The following HERC1 variants were observed in gnomAD, a reference collection of about 807,000 sequenced individuals.
HERC1 encodes HECT and RLD domain containing E3 ubiquitin protein ligase family member 1, also known as probable E3 ubiquitin-protein ligase HERC1.
In HERC1, 160 loss-of-function variants were observed where a neutral mutation model predicts 554.3. The observed-to-expected ratio is 0.29, with a 90% CI of 0.25 to 0.33. The LOEUF (loss-of-function observed/expected upper bound fraction) is 0.33, where lower values mean the gene tolerates loss of function less well. Ranked by LOEUF, HERC1 falls within the 10% of genes least tolerant of loss-of-function variation. The probability of loss-of-function intolerance (pLI) is 1.00; values close to 1 mark genes in which losing one functional copy is unlikely to be tolerated. For synonymous variants in HERC1, 2,175 were observed against 2,131.7 expected (o/e 1.02, Z -0.56); for missense variants, 4,919 against 5,918.5 (o/e 0.83, Z 5.54).
rs550082542 is a variant in HERC1, at chr15:63,725,381, G to A, written c.3479C>T (p.Ser1160Phe). The A allele has an allele frequency of 6.2e-7, 1 of 1,613,870 alleles. No individual in the cohort carries two copies. Among genetic ancestry groups the A allele is most frequent in the South Asian group, 1.1e-5 (1 of 91,060 alleles). ...GRCLGGMLQG[S>F]PVSPEEQDTA... Reference sequence around the variant, plus strand: ...GTCCTGTTCCTCTGGAGACACAGGGGAGCCCTGAAGCATGCCACCAAGACA... The same window carrying A: ...GTCCTGTTCCTCTGGAGACACAGGGAAGCCCTGAAGCATGCCACCAAGACA... Residue 1160 changes from serine (S) to phenylalanine (F), a missense_variant, in exon 18 of 78, where the codon TCC (serine) becomes TTC (phenylalanine). Physicochemically the swap from Ser to Phe is radical, Grantham distance 155. This residue lies in a region of HERC1 where 1,121 missense variants were observed against 1,244.0 expected (regional missense o/e 0.90). Transcript: ENST00000443617.
chr15:63,799,069 T>C (rs1269052680), intron 1 of HERC1, among the ~76,000 whole-genome samples: 3 of 152,208 alleles, frequency 2.0e-5, no homozygotes, highest in Non-Finnish European at 4.4e-5. Flanking sequence ...GCACATTTAA[T>C]TTTCAGACAA....
At chr15:63,813,381 A>G (rs1329996365) in intron 1 of HERC1, among the ~76,000 whole-genome samples, 2 of 151,942 alleles carry the variant, frequency 1.3e-5, no homozygotes, top group Non-Finnish European at 2.9e-5. Flanking sequence ...AAAAGAGCCC[A>G]TACATAGATT....
chr15:63,615,360 A>G (rs1274983284), intron 76 of HERC1, among the ~76,000 whole-genome samples: 1 of 152,218 alleles, frequency 6.6e-6, no homozygotes, highest in Non-Finnish European at 1.5e-5. Flanking sequence ...TGTAATCCCA[A>G]CACTTTGGGA....
chr15:63,766,890 C>A (rs749350045), intron 2 of HERC1, among the ~76,000 whole-genome samples: 4 of 151,776 alleles, frequency 2.6e-5, no homozygotes, highest in Non-Finnish European at 5.9e-5. Context: ...TTGGTTCAGG[C>A]TGGTCTGAAA....
intron 33 of HERC1, among the ~76,000 whole-genome samples, chr15:63,687,940 G>A (rs1379243732): frequency 1.3e-5 from 2 of 152,192 alleles, no homozygotes; most frequent in Non-Finnish European, 2.9e-5. Flanking sequence ...AAGTTGCTTA[G>A]ACTATAGTGA....
At chr15:63,825,029 G>A (rs1236507499) in intron 1 of HERC1, among the ~76,000 whole-genome samples, 2 of 152,150 alleles carry the variant, frequency 1.3e-5, no homozygotes, top group Non-Finnish European at 2.9e-5. Context: ...TGAGGGCTGG[G>A]CACGGTGGCT....
chr15:63,709,594 G>A (rs537726949), intron 24 of HERC1, among the ~76,000 whole-genome samples: 23 of 152,222 alleles, frequency 1.5e-4, no homozygotes, highest in African/African-American at 5.1e-4. Context: ...CAAAGTCCAT[G>A]GTGAGTTTTA....
In HERC1 at chr15:63,755,609, T is replaced by C. The variant is rs551696339; in HGVS notation, c.1534-284A>G. Among the ~76,000 whole-genome samples the C allele has an allele frequency of 6.6e-5, 10 of 152,230 alleles. No homozygotes were observed. In the East Asian group the frequency reaches 1.7e-3, roughly 26 times the overall value. On this transcript the variant is annotated intron_variant, in intron 5 of 77. Transcript: ENST00000443617. Reference sequence around the variant, plus strand: ...GCCTGGGCAACATGGCAAAACCCTGTTTCTTTTAAAAAATATGAAAATTAG... The same window carrying C: ...GCCTGGGCAACATGGCAAAACCCTGCTTCTTTTAAAAAATATGAAAATTAG...
chr15:63,630,408 G>C, intron 69 of HERC1, 58 bp downstream of exon 69: 1 of 1,531,054 alleles, frequency 6.5e-7, no homozygotes, highest in South Asian at 1.2e-5. Context: ...TTCCCCAACT[G>C]AGGAACACTG....
intron 1 of HERC1, among the ~76,000 whole-genome samples, chr15:63,782,797 G>A (rs1484767087): frequency 6.6e-6 from 1 of 152,202 alleles, no homozygotes; most frequent in Admixed American, 6.5e-5. Flanking sequence ...AAAGGCCAAA[G>A]TATCAATATT....
At chr15:63,790,217 G>A (rs1380271164) in intron 1 of HERC1, among the ~76,000 whole-genome samples, 2 of 152,088 alleles carry the variant, frequency 1.3e-5, no homozygotes, top group Non-Finnish European at 2.9e-5. Context: ...CTGCTATTAT[G>A]ATCATTATCA....
In HERC1 at chr15:63,636,154, C is replaced by T. The variant is rs181815436; in HGVS notation, c.12233-12G>A. On this transcript the variant is annotated splice_polypyrimidine_tract_variant and intron_variant, in intron 64 of 77. Transcript: ENST00000443617. Reference sequence around the variant, plus strand: ...GGTCACCACAAAGCCTGGAACAGAACAGAAACCCAACAGGAGTCACTGGAT... The same window carrying T: ...GGTCACCACAAAGCCTGGAACAGAATAGAAACCCAACAGGAGTCACTGGAT... 1.4e-4 allele frequency: 224 copies of T among 1,610,860 alleles called. 1 individual carries two copies. In the Middle Eastern group the frequency reaches 1.9e-3, roughly 14 times the overall value.
At chr15:63,735,251 G>A (rs947668959) in intron 12 of HERC1, among the ~76,000 whole-genome samples, 1 of 152,058 alleles carries the variant, frequency 6.6e-6, no homozygotes, top group Admixed American at 6.6e-5. Context: ...AAAGGGTGCA[G>A]GAACTTGCTT....
At chr15:63,805,734 G>A (rs2077117393) in intron 1 of HERC1, among the ~76,000 whole-genome samples, 1 of 151,998 alleles carries the variant, frequency 6.6e-6, no homozygotes, top group Admixed American at 6.6e-5. Flanking sequence ...ACTGCTTGAG[G>A]TCAGCAGTTC....
rs375275073 is a variant in HERC1, at chr15:63,634,886, C to A, written c.12417G>T (p.Met4139Ile). The A allele has an allele frequency of 1.2e-6, 2 of 1,603,854 alleles. No homozygotes were observed. The highest frequency in any genetic ancestry group is 2.7e-5 in the African/African-American group (2 of 74,382). ...EALQGEEVVQ[M>I]SCGFKHSAVV... ...CTGCTGAGTGCTTGAAGCCACAAGA[C>A]ATCTAAGACAGAACCAAGGAGAAAG... The change falls in exon 66 of 78, where the codon ATG becomes ATT. Residue 4139 changes from methionine to isoleucine, a missense_variant and splice_region_variant. Met to Ile is a conservative substitution (Grantham distance 10). Transcript: ENST00000443617.
chr15:63,795,449 G>C (rs1263021205), intron 1 of HERC1, among the ~76,000 whole-genome samples: 1 of 152,094 alleles, frequency 6.6e-6, no homozygotes, highest in Non-Finnish European at 1.5e-5. Context: ...AAAAATATCA[G>C]TTTAATATAA....
intron 25 of HERC1, among the ~76,000 whole-genome samples, chr15:63,701,412 T>G (rs1249545348): frequency 6.6e-6 from 1 of 152,182 alleles, no homozygotes; most frequent in Non-Finnish European, 1.5e-5. Flanking sequence ...AAGCCCAAAA[T>G]TAAATCTTCT....
chr15:63,824,464 G>A (rs1301247534), intron 1 of HERC1, among the ~76,000 whole-genome samples: 2 of 150,606 alleles, frequency 1.3e-5, no homozygotes, highest in African/African-American at 4.9e-5. Context: ...AACCCGGGAG[G>A]CAGAGGTTGC....
rs181103738 is a variant in HERC1 at position 63,774,746 on chromosome 15, A to G, written c.878T>C (p.Met293Thr). ...KGKLLSSQEG[M>T]ISFDCFMTIL... ...GGTCATAAAGCAGTCAAAGCTGATC[A>G]TTCCTTCCTGGCTTGAGAGTAGTTT... The change falls in exon 2 of 78, where the codon ATG becomes ACG. Residue 293 changes from methionine (M) to threonine (T), a missense_variant. This residue lies in a region of HERC1 where 744 missense variants were observed against 1,090.0 expected (regional missense o/e 0.68). Transcript: ENST00000443617. 1.2e-6 allele frequency: 2 copies of G among 1,613,960 alleles called. No individual in the cohort carries two copies. Among genetic ancestry groups the G allele is most frequent in the Admixed American group, 3.3e-5 (2 of 60,016 alleles).
Sources: allele counts gnomAD v4.1 joint callset (sites outside exome capture counted in the v4.1 genomes callset), GRCh38; gene constraint gnomAD v4.1.1; regional missense constraint gnomAD v4.1.1; transcripts MANE v1.5; gene names NCBI Gene and HGNC (gene_info 2026-07-23, HGNC 2026-07-21).